The following SETD2 variants were observed in gnomAD, a reference collection of about 807,000 sequenced individuals.
SETD2 encodes histone-lysine N-methyltransferase SETD2.
SETD2 carries 31 observed loss-of-function variants against 242.1 expected under a neutral mutation model. The observed-to-expected ratio is 0.13, with a 90% CI of 0.10 to 0.17. The LOEUF (loss-of-function observed/expected upper bound fraction) is 0.17, where lower values mean the gene tolerates loss of function less well. Among genes scored for constraint, SETD2 ranks in the 10% least tolerant of loss-of-function variants. The pLI is 1.00. For missense variants in SETD2, 2,481 were observed against 3,046.3 expected, an observed-to-expected ratio of 0.81 and a Z score of 4.37; for synonymous variants, 1,006 against 1,066.5, an observed-to-expected ratio of 0.94 and a Z score of 1.11.
chr3:47,115,086 G>GA (rs1342770504), intron 4 of SETD2, among the ~76,000 whole-genome samples: 2 of 152,116 alleles, frequency 1.3e-5, no homozygotes, highest in African/African-American at 4.8e-5. Context: ...TATGCATAAA[G>GA]AAAGCTGGAG....
chr3:47,017,353 C>G lies in SETD2; in HGVS notation c.7534-99G>C. On this transcript the variant is annotated intron_variant, in intron 20 of 20. Coordinates refer to ENST00000409792, the MANE Select transcript of SETD2 (RefSeq NM_014159.7). The surrounding 1 kb of genome is among the most constrained non-coding windows in gnomAD (Gnocchi z 4.8). The stretch of plus-strand genomic sequence containing the variant: ...GGTAATCCAGCCTGCTGCTTCAGGG[C>G]CCTTCTCACCAAGACAGGAAGTTAA... 1 of 1,300,322 alleles carries G rather than the reference C, an allele frequency of 7.7e-7. No individual in the cohort carries two copies. The highest frequency in any genetic ancestry group is 1.3e-5 in the South Asian group (1 of 74,452). 80.5% of individuals were successfully genotyped at this position (1,300,322 alleles called of 1,614,324 possible). A position where few individuals can be genotyped will look rare whatever the true frequency, so the allele number is the denominator to read the frequency against.
chr3:47,039,007 G>T (rs2039151321), intron 17 of SETD2, among the ~76,000 whole-genome samples: 1 of 152,042 alleles, frequency 6.6e-6, no homozygotes, highest in African/African-American at 2.4e-5. Flanking sequence ...CATATATATA[G>T]ACTATTGTAA....
intron 2 of SETD2, among the ~76,000 whole-genome samples, chr3:47,126,083 G>A (rs1575823400): frequency 2.0e-5 from 3 of 152,298 alleles, no homozygotes; most frequent in South Asian, 4.1e-4. Flanking sequence ...AGGCTGAAGT[G>A]CAGGGGCACC....
In SETD2 at chr3:47,124,320, C is replaced by T. The variant is rs918252164; in HGVS notation, c.316G>A (p.Val106Ile). 3.9e-6 allele frequency: 6 copies of T among 1,551,752 alleles called. No homozygotes were observed. The Admixed American group carries it at 7.8e-5, about 20-fold the overall frequency. ...KQSDTPNPPA[V>I]PLQVDSTPKM... is the part of the protein sequence containing the mutation. ...GGAGTCGAGTCTACCTGAAGAGGTA[C>T]AGCTGGAGGGTTTGGAGTATCACTT... Residue 106 changes from valine to isoleucine, a missense_variant, in exon 3 of 21, where the codon GTA becomes ATA. Physicochemically the swap from Val to Ile is conservative, Grantham distance 29. Transcript: ENST00000409792.
chr3:47,089,308 G>T (rs2041697789), intron 9 of SETD2, among the ~76,000 whole-genome samples: 1 of 152,100 alleles, frequency 6.6e-6, no homozygotes, highest in Non-Finnish European at 1.5e-5. Context: ...TTAGCCAGGT[G>T]TGGTAGCATG....
intron 1 of SETD2, among the ~76,000 whole-genome samples, chr3:47,153,679 A>G (rs1559769545): frequency 6.6e-6 from 1 of 151,714 alleles, no homozygotes; most frequent in Admixed American, 6.6e-5. Flanking sequence ...CTTGAGCCCA[A>G]GAGTTCGAGG....
chr3:47,100,406 G>A (rs1009826450), intron 8 of SETD2, among the ~76,000 whole-genome samples: 22 of 151,784 alleles, frequency 1.4e-4, no homozygotes, highest in African/African-American at 4.8e-4. Context: ...GATTACAGGC[G>A]TGCGCCACCA....
chr3:47,108,612 G>A (rs1465175102), intron 5 of SETD2, among the ~76,000 whole-genome samples: 3 of 152,092 alleles, frequency 2.0e-5, no homozygotes, highest in African/African-American at 4.8e-5. Flanking sequence ...TTAAATATCA[G>A]AGCCTGACCA....
intron 18 of SETD2, among the ~76,000 whole-genome samples, chr3:47,033,333 T>C (rs1367607036): frequency 6.6e-6 from 1 of 152,242 alleles, no homozygotes; most frequent in Non-Finnish European, 1.5e-5. Context: ...TAACTTTCTC[T>C]GGTTGAGTTT....
intron 12 of SETD2, among the ~76,000 whole-genome samples, chr3:47,073,999 C>T (rs2040942838): frequency 6.6e-6 from 1 of 152,184 alleles, no homozygotes; most frequent in Non-Finnish European, 1.5e-5. Flanking sequence ...AGCCAACATG[C>T]ATATTCCTAC....
intron 15 of SETD2, 82 bp downstream of exon 15, chr3:47,056,739 G>A: frequency 9.1e-7 from 1 of 1,099,272 alleles, no homozygotes; most frequent in Non-Finnish European, 1.3e-6. Flanking sequence ...TCCATGGTAA[G>A]ACTTCCTCCC....
chr3:47,064,771 T>TATATATAAA (rs1220759927), intron 13 of SETD2: 1 of 154,254 alleles, frequency 6.5e-6, no homozygotes, highest in Non-Finnish European at 1.5e-5. Flanking sequence ...TATATGTAAA[T>TATATATAAA]ATATATAAAA....
chr3:47,088,364 A>C, intron 9 of SETD2, 117 bp from the exon 10 acceptor site: 2 of 945,538 alleles, frequency 2.1e-6, no homozygotes, highest in Non-Finnish European at 1.6e-6. Flanking sequence ...TGAAGACCAA[A>C]CTGGGAAAGT....
chr3:47,044,442 T>C (rs2039430414), intron 16 of SETD2, among the ~76,000 whole-genome samples: 1 of 147,748 alleles, frequency 6.8e-6, no homozygotes, highest in African/African-American at 2.5e-5. Flanking sequence ...TAAGTACACA[T>C]TATCTTATTA....
At chr3:47,164,201 C>T (rs1697602530), upstream of SETD2, among the ~76,000 whole-genome samples, 1 of 152,302 alleles carries the variant, frequency 6.6e-6, no homozygotes, top group Non-Finnish European at 1.5e-5. The surrounding 1 kb of genome is among the most constrained non-coding windows in gnomAD (Gnocchi z 5.4). Context: ...ACACACGGGC[C>T]ACCGATCTGC....
In SETD2 at chr3:47,088,129, C is replaced by G. The variant is rs1422216096; in HGVS notation, c.5261G>C (p.Cys1754Ser). The change falls in exon 10 of 21, where the codon TGT becomes TCT. Residue 1754 changes from cysteine (C) to serine (S), a missense_variant. Cys to Ser is a moderately radical substitution (Grantham distance 112, BLOSUM62 -1). Coordinates refer to ENST00000409792, the MANE Select transcript of SETD2 (RefSeq NM_014159.7). ...AGTGTTCACCTGTATGAGTTCCAGA[C>G]AGGTAAGTTTCTGCTCCAAAGTTTC... Reference protein sequence around the residue: ...RIETLEQKLTCLELIQNTHSQ... With the variant: ...RIETLEQKLTSLELIQNTHSQ... The G allele has an allele frequency of 1.2e-6, 2 of 1,613,350 alleles. No individual in the cohort carries two copies. Among genetic ancestry groups the G allele is most frequent in the East Asian group, 4.5e-5 (2 of 44,890 alleles).
chr3:47,110,324 A>C (rs538423256), intron 5 of SETD2, among the ~76,000 whole-genome samples: 1 of 152,342 alleles, frequency 6.6e-6, no homozygotes, highest in African/African-American at 2.4e-5. Flanking sequence ...TCAGATGATG[A>C]AAATGTTTTG....
intron 10 of SETD2, 109 bp downstream of exon 10, chr3:47,088,004 T>C: frequency 9.1e-7 from 1 of 1,104,666 alleles, no homozygotes; most frequent in African/African-American, 1.6e-5. Flanking sequence ...AATAAATAAA[T>C]AAATAAAATA....
chr3:47,096,445 GC>G (rs1035629166), intron 9 of SETD2, among the ~76,000 whole-genome samples: 4 of 152,170 alleles, frequency 2.6e-5, no homozygotes, highest in African/African-American at 7.2e-5. Flanking sequence ...GGTAGCTCAT[GC>G]CTGTAATCCC....
Sources: gnomAD v4.1 joint callset for allele counts (sites outside exome capture counted in the v4.1 genomes callset) on GRCh38, gnomAD v4.1.1 for gene constraint, Gnocchi (gnomAD v3.1) non-coding constraint, MANE v1.5 for transcripts, NCBI Gene and HGNC (gene_info 2026-07-23, HGNC 2026-07-21) for gene names.